CDON: variants seen among roughly 807,000 people sequenced by gnomAD.
CDON encodes the protein cell adhesion molecule-related/down-regulated by oncogenes.
Under a neutral mutation model 120.9 loss-of-function variants are expected in CDON, and 73 were observed. That is an observed-to-expected ratio of 0.60 (90% confidence interval 0.50 to 0.73). CDON has a LOEUF of 0.73. Among genes scored for constraint, CDON ranks in the 30% least tolerant of loss-of-function variants. The pLI, the probability that CDON is intolerant of heterozygous loss-of-function variation, is 0.00. For synonymous variants in CDON, 566 were observed against 573.5 expected (o/e 0.99, Z 0.19); for missense variants, 1,470 against 1,587.3 (o/e 0.93, Z 1.26).
At chr11:125,985,774 TCA>T (rs1461320951) in intron 15 of CDON, among the ~76,000 whole-genome samples, 1 of 151,984 alleles carries the variant, frequency 6.6e-6, no homozygotes, top group Non-Finnish European at 1.5e-5. Flanking sequence ...AGATACCATC[TCA>T]CACCAGTTAG....
chr11:126,025,101 A>G (rs954615588), intron 1 of CDON, among the ~76,000 whole-genome samples: 6 of 152,202 alleles, frequency 3.9e-5, no homozygotes. Flanking sequence ...GCTACTCGGG[A>G]GGCTGAGGCA....
chr11:126,043,035 A>G (rs1948307266), intron 1 of CDON, among the ~76,000 whole-genome samples: 1 of 152,174 alleles, frequency 6.6e-6, no homozygotes, highest in Admixed American at 6.5e-5. Context: ...AACTTTCGAC[A>G]CCTAAGTAAC....
At chr11:125,974,386 AAGGAAGGGAGGGAGGGAGGG>A (rs1393194090) in intron 18 of CDON, among the ~76,000 whole-genome samples, 52 of 29,648 alleles carry the variant, frequency 1.8e-3, no homozygotes, top group East Asian at 7.6e-3. Context: ...GGAAGGAAGG[AAGGAAGGGAGGGAGGGAGGG>A]AGGGAGGGAG....
chr11:125,980,612 C>T (rs1946268539), intron 17 of CDON, among the ~76,000 whole-genome samples: 1 of 152,204 alleles, frequency 6.6e-6, no homozygotes, highest in Non-Finnish European at 1.5e-5. Context: ...CGGCTGCTTC[C>T]TGAAGACACT....
chr11:126,036,470 C>T (rs1188678502), intron 1 of CDON, among the ~76,000 whole-genome samples: 1 of 152,178 alleles, frequency 6.6e-6, no homozygotes, highest in Non-Finnish European at 1.5e-5. Flanking sequence ...AAACAATTCT[C>T]ATGTATAAGT....
chr11:125,976,119 C>T (rs1215567738), intron 18 of CDON, among the ~76,000 whole-genome samples: 2 of 152,148 alleles, frequency 1.3e-5, no homozygotes, highest in African/African-American at 2.4e-5. Flanking sequence ...ATCTACCTTT[C>T]GGCATTCACA....
intron 18 of CDON, among the ~76,000 whole-genome samples, chr11:125,977,759 C>T (rs1591557106): frequency 6.6e-6 from 1 of 151,988 alleles, no homozygotes; most frequent in East Asian, 1.9e-4. Context: ...ATTGTGAGTA[C>T]ATACCACTTT....
chr11:126,046,750 G>T lies in CDON; in HGVS notation c.-62+15829C>A, dbSNP rs760621123. ...TATCCTGGCCAGCTAGAAACAAAACGGGAGTGTCTGGGTGGGGCTGACAGT... is the reference window on the plus strand; with the variant it reads ...TATCCTGGCCAGCTAGAAACAAAACTGGAGTGTCTGGGTGGGGCTGACAGT... On this transcript the variant is annotated intron_variant, in intron 1 of 19. Coordinates refer to ENST00000531738, the MANE Select transcript of CDON (RefSeq NM_001378964.1). Among the ~76,000 whole-genome samples, 20 of 152,222 alleles carry T rather than the reference G, an allele frequency of 1.3e-4. 1 individual carries two copies. Among genetic ancestry groups the T allele is most frequent in the African/African-American group, 3.4e-4 (14 of 41,544 alleles).
At chr11:126,043,772 C>T (rs978730850) in intron 1 of CDON, among the ~76,000 whole-genome samples, 4 of 152,118 alleles carry the variant, frequency 2.6e-5, no homozygotes, top group African/African-American at 4.8e-5. Context: ...CAGTGTGAAT[C>T]GATGGCCATG....
At chr11:126,046,829 CTCTATT>C in intron 1 of CDON, among the ~76,000 whole-genome samples, 1 of 152,212 alleles carries the variant, frequency 6.6e-6, no homozygotes, top group Non-Finnish European at 1.5e-5. Flanking sequence ...CCCACTTCTA[CTCTATT>C]TCTTTCTGTG....
chr11:125,989,852 G>T, intron 14 of CDON, 93 bp from the exon 15 acceptor site: 12 of 1,131,702 alleles, frequency 1.1e-5, no homozygotes, highest in African/African-American at 1.5e-5. Context: ...GGCTGGAGCA[G>T]CATCCACTAC....
chr11:126,052,572 C>T (rs887951837), intron 1 of CDON, among the ~76,000 whole-genome samples: 1 of 152,106 alleles, frequency 6.6e-6, no homozygotes, highest in Non-Finnish European at 1.5e-5. Context: ...CCTGTAATCC[C>T]AGCACTTTGG....
chr11:126,004,223 A>ACTT (rs1272179720), intron 9 of CDON, 147 bp from the exon 10 acceptor site: 3 of 769,162 alleles, frequency 3.9e-6, no homozygotes, highest in Non-Finnish European at 6.6e-6. Flanking sequence ...AAGACACAAT[A>ACTT]CTTCTTCATA....
At chr11:126,037,553 G>C (rs1446648863) in intron 1 of CDON, among the ~76,000 whole-genome samples, 1 of 152,022 alleles carries the variant, frequency 6.6e-6, no homozygotes. Flanking sequence ...GGGGGATAAA[G>C]CAGAATAAAA....
intron 18 of CDON, among the ~76,000 whole-genome samples, chr11:125,977,918 T>TC (rs974831950): frequency 4.0e-5 from 6 of 151,440 alleles, no homozygotes; most frequent in African/African-American, 1.5e-4. Flanking sequence ...GGTTCCCCCC[T>TC]CCCCCCAACA....
chr11:125,961,050 A>C lies in CDON; in HGVS notation c.3687T>G (p.Leu1229=), dbSNP rs1439037052. The C allele has an allele frequency of 6.2e-7, 1 of 1,614,070 alleles. No homozygotes were observed. Among genetic ancestry groups the C allele is most frequent in the Middle Eastern group, 1.6e-4 (1 of 6,062 alleles). Residue 1229 remains leucine, a synonymous_variant, in exon 20 of 20, where the codon CTT becomes CTG. Transcript: ENST00000531738. ...AGCCCTCGGGGACAGGTGGCAAAAT[A>C]AGAGCATTCCAACTTACAATGTTGA... ...TEINIVSWNA[L]ILPPVPEGCA... is the part of the protein sequence containing the mutation.
At chr11:126,009,036 T>C (rs569961952) in intron 8 of CDON, among the ~76,000 whole-genome samples, 42 of 152,200 alleles carry the variant, frequency 2.8e-4, no homozygotes, top group Non-Finnish European at 4.4e-4. Flanking sequence ...TGGGGCACCT[T>C]CACTATACCT....
chr11:125,965,679 C>T (rs1565488741), intron 18 of CDON, among the ~76,000 whole-genome samples: 1 of 152,186 alleles, frequency 6.6e-6, no homozygotes, highest in East Asian at 1.9e-4. Flanking sequence ...GCAGAGAGGG[C>T]TTTTACAAAG....
chr11:126,028,792 A>G (rs1947870552), intron 1 of CDON, among the ~76,000 whole-genome samples: 1 of 151,518 alleles, frequency 6.6e-6, no homozygotes, highest in East Asian at 1.9e-4. Flanking sequence ...TTGGATAGTT[A>G]GGCTACATTT....
Sources: gnomAD v4.1 joint callset for allele counts (sites outside exome capture counted in the v4.1 genomes callset) on GRCh38, gnomAD v4.1.1 for gene constraint, MANE v1.5 for transcripts, NCBI Gene and HGNC (gene_info 2026-07-23, HGNC 2026-07-21) for gene names.